CLSPN: variants seen among roughly 807,000 people sequenced by gnomAD.
CLSPN encodes the protein claspin, also known as claspin homolog.
Under a neutral mutation model 156.3 loss-of-function variants are expected in CLSPN, and 85 were observed. That is an observed-to-expected ratio of 0.54 (90% CI 0.46 to 0.65). CLSPN has a LOEUF of 0.65. CLSPN is among the 30% of genes least tolerant of loss of function. CLSPN has a pLI of 0.00. For synonymous variants in CLSPN, 534 were observed against 542.4 expected (o/e 0.98, Z 0.22); for missense variants, 1,407 against 1,554.9 (o/e 0.90, Z 1.60).
Position 35,746,709 on chromosome 1 carries a change from T to G in CLSPN, c.2854+57A>C, listed in dbSNP as rs1008296945. 1.6e-6 allele frequency: 2 copies of G among 1,250,636 alleles called. No individual in the cohort carries two copies. Among genetic ancestry groups the G allele is most frequent in the African/African-American group, 3.0e-5 (2 of 67,712 alleles). 77.5% of individuals were successfully genotyped at this position (1,250,636 alleles called of 1,614,324 possible). ...CACCCCACCCGCCCAGGGAATTCTTTTCAAGGGCACTGATACTTGGGTGTG... is the reference window on the plus strand; with the variant it reads ...CACCCCACCCGCCCAGGGAATTCTTGTCAAGGGCACTGATACTTGGGTGTG... On this transcript the variant is annotated intron_variant, in intron 15 of 24. Transcript: ENST00000318121. This position sits in a 1 kb window ranked among gnomAD's most constrained non-coding sequence, Gnocchi z 4.2.
At chr1:35,739,330 C>A (rs774599348) in intron 19 of CLSPN, 35 bp downstream of exon 19, 2 of 1,613,558 alleles carry the variant, frequency 1.2e-6, no homozygotes, top group Non-Finnish European at 1.7e-6. Context: ...TTAAGATGTA[C>A]CCTATTACTC....
chr1:35,740,562 G>A (rs1000390976), intron 18 of CLSPN, among the ~76,000 whole-genome samples: 1 of 151,960 alleles, frequency 6.6e-6, no homozygotes, highest in African/African-American at 2.4e-5. Context: ...GGGATTACAG[G>A]TGCGTGCCAC....
chr1:35,743,166 G>A lies in CLSPN; in HGVS notation c.3118C>T (p.Arg1040Ter), dbSNP rs1213540555. Reference sequence around the variant, plus strand: ...ATTTGCCTTTTCAACTTCTCAGATCGCTTCAGGAGTTCTTCTTCATCATCA... The same window carrying A: ...ATTTGCCTTTTCAACTTCTCAGATCACTTCAGGAGTTCTTCTTCATCATCA... Reference protein sequence around the residue: ...EDDDEEELLKRSEKLKRQMRL... With the variant: ...EDDDEEELLK The change falls in exon 18 of 25, where the codon CGA (arginine) becomes TGA (stop). Residue 1040 changes from arginine to a stop codon, truncating the protein, a stop_gained. Coordinates refer to ENST00000318121, the MANE Select transcript of CLSPN (RefSeq NM_022111.4). LOFTEE classifies it high-confidence loss of function. The A allele has an allele frequency of 1.2e-6, 2 of 1,613,646 alleles. No homozygotes were observed. The highest frequency in any genetic ancestry group is 1.1e-5 in the South Asian group (1 of 91,064).
chr1:35,764,089 T>A (rs1642582370), intron 3 of CLSPN, among the ~76,000 whole-genome samples, 177 bp downstream of exon 3: 1 of 152,152 alleles, frequency 6.6e-6, no homozygotes, highest in Non-Finnish European at 1.5e-5. Flanking sequence ...TATGCACCAC[T>A]GCACCTGGCC....
rs780524186 is a variant in CLSPN at position 35,764,725 on chromosome 1, C to CA, written c.134-12dup. ...TCTCTTCATCTGAATCTGGAGGAAA[C>CA]AATTTTCTTTTAATTATACCATCAT... On this transcript the variant is annotated splice_polypyrimidine_tract_variant and intron_variant, in intron 2 of 24. Transcript: ENST00000318121. 1 of 1,534,438 alleles carries CA rather than the reference C, an allele frequency of 6.5e-7. No individual in the cohort carries two copies. Among genetic ancestry groups the CA allele is most frequent in the Admixed American group, 2.3e-5 (1 of 43,834 alleles).
intron 10 of CLSPN, 134 bp from the exon 11 acceptor site, chr1:35,749,945 T>C: frequency 9.9e-7 from 1 of 1,014,466 alleles, no homozygotes; most frequent in Non-Finnish European, 1.4e-6. Flanking sequence ...TTGAAGGAAG[T>C]TCCATATGAC....
rs537567353 is a variant in CLSPN, at chr1:35,750,574, G to T, written c.2028+676C>A. On this transcript the variant is annotated intron_variant, in intron 10 of 24. Coordinates refer to ENST00000318121, the MANE Select transcript of CLSPN (RefSeq NM_022111.4). ...CACACAGCTAATTTTTGTATTTTTA[G>T]TAGAGATGGATTTTCACGATGTTGG... 2.2e-4 allele frequency among the ~76,000 whole-genome samples: 34 copies of T among 151,890 alleles called. 1 individual carries two copies. Among genetic ancestry groups the T allele is most frequent in the African/African-American group, 8.2e-4 (34 of 41,446 alleles).
rs761953097 is a variant in CLSPN at position 35,760,486 on chromosome 1, T to G, written c.1435A>C (p.Lys479Gln). 1.2e-6 allele frequency: 2 copies of G among 1,614,224 alleles called. No homozygotes were observed. Among genetic ancestry groups the G allele is most frequent in the Non-Finnish European group, 1.7e-6 (2 of 1,180,038 alleles). The change falls in exon 8 of 25, where the codon AAA becomes CAA. Residue 479 changes from lysine to glutamine, a missense_variant. Coordinates refer to ENST00000318121, the MANE Select transcript of CLSPN (RefSeq NM_022111.4). ...EKVEEPEQQN[K>Q]SSAVGPPEKV... ...TCAGGTGGCCCAACTGCTGATGATT[T>G]ATTTTGCTGCTCAGGCTCTTCCACT...
Position 35,764,722 on chromosome 1 carries a change from A to C in CLSPN, c.134-8T>G. On this transcript the variant is annotated splice_region_variant and splice_polypyrimidine_tract_variant and intron_variant, in intron 2 of 24. Transcript: ENST00000318121. Reference sequence around the variant, plus strand: ...ATATCTCTTCATCTGAATCTGGAGGAAACAATTTTCTTTTAATTATACCAT... The same window carrying C: ...ATATCTCTTCATCTGAATCTGGAGGCAACAATTTTCTTTTAATTATACCAT... 4 of 1,528,426 alleles carry C rather than the reference A, an allele frequency of 2.6e-6. No individual in the cohort carries two copies. The highest frequency in any genetic ancestry group is 3.5e-6 in the Non-Finnish European group (4 of 1,135,066). The allele number at this position is 1,528,426 out of a possible 1,614,324, so 94.7% of individuals were successfully genotyped here.
At position 35,769,961 on chromosome 1, in the gene CLSPN, C is replaced by T. The variant is rs1216712970; in HGVS notation, c.-91G>A. The T allele has an allele frequency of 6.7e-7, 1 of 1,494,250 alleles. No homozygotes were observed. The highest frequency in any genetic ancestry group is 2.4e-5 in the East Asian group (1 of 42,494). 92.6% of individuals were successfully genotyped at this position (1,494,250 alleles called of 1,614,324 possible). ...GCGGCTCCCGCCGTCTCCAGCCCAG[C>T]AGTGCTGTTCTTGCTTTCCCGCCCA... On this transcript the variant is annotated 5_prime_UTR_variant, in exon 1 of 25. Transcript: ENST00000318121.
In CLSPN at chr1:35,751,234, CG is replaced by C. The variant is rs767588833; in HGVS notation, c.2028+15del. The C allele has an allele frequency of 1.3e-6, 2 of 1,594,614 alleles. No individual in the cohort carries two copies. Among genetic ancestry groups the C allele is most frequent in the East Asian group, 4.5e-5 (2 of 44,768 alleles). ...TCACCATGACAAGGTAACAAAACAA[CG>C]TAATTGCCAGAAACCTCCTGATTTC... On this transcript the variant is annotated intron_variant, in intron 10 of 24. Coordinates refer to ENST00000318121, the MANE Select transcript of CLSPN (RefSeq NM_022111.4).
At position 35,734,686 on chromosome 1, in the gene CLSPN, A is replaced by AAG. The variant is rs1013237281; in HGVS notation, c.*1809_*1810insCT. 1.9e-5 allele frequency: 17 copies of AAG among 918,460 alleles called. No homozygotes were observed. Among genetic ancestry groups the AAG allele is most frequent in the Non-Finnish European group, 2.1e-5 (16 of 769,932 alleles). The allele number at this position is 918,460 out of a possible 1,614,324, so 56.9% of individuals were successfully genotyped here. ...GAGCCAGCCTATGTCTCAAAAAAAA[A>AAG]AAAAGAAAAGAAAAGAAAAGAAAAA... On this transcript the variant is annotated 3_prime_UTR_variant, in exon 25 of 25. Coordinates refer to ENST00000318121, the MANE Select transcript of CLSPN (RefSeq NM_022111.4).
At position 35,732,870 on chromosome 1, in the gene CLSPN, T is replaced by A. The variant is rs987683719; in HGVS notation, c.*3626A>T. 1.0e-6 allele frequency: 1 copy of A among 985,344 alleles called. No homozygotes were observed. Among genetic ancestry groups the A allele is most frequent in the African/African-American group, 1.7e-5 (1 of 57,250 alleles). 61.0% of individuals were successfully genotyped at this position (985,344 alleles called of 1,614,324 possible). ...GGCTTAGCTTACTTTATAGCAGCCA[T>A]CCTGGCATAAGGAAAAGTAACCCAG... On this transcript the variant is annotated 3_prime_UTR_variant, in exon 25 of 25. Transcript: ENST00000318121.
chr1:35,741,010 C>T (rs1317209025), intron 18 of CLSPN, among the ~76,000 whole-genome samples: 3 of 152,168 alleles, frequency 2.0e-5, no homozygotes, highest in Non-Finnish European at 2.9e-5. Context: ...GGGATAAAAG[C>T]AACCATATAA....
Position 35,739,206 on chromosome 1 carries a change from C to T in CLSPN, c.3360G>A (p.Arg1120=). 1 of 1,614,160 alleles carries T rather than the reference C, an allele frequency of 6.2e-7. No individual in the cohort carries two copies. The change falls in exon 20 of 25, where the codon AGG becomes AGA. Residue 1120 remains arginine (R), a synonymous_variant. Transcript: ENST00000318121. ...DKRQLRLYQE[R]YLADGDLHSD... The stretch of plus-strand genomic sequence containing the variant: ...TGTGCAGATCCCCATCAGCAAGGTA[C>T]CTCTCTTGGTATAAACGTAGCTGTC...
rs529299397 is a variant in CLSPN at position 35,735,186 on chromosome 1, C to T, written c.*1310G>A. ...AGTCCCAGGAAGGGTCTCTCTGCCC[C>T]ACAGACTGTGGTGGACAAACACTGG... On this transcript the variant is annotated 3_prime_UTR_variant, in exon 25 of 25. Coordinates refer to ENST00000318121, the MANE Select transcript of CLSPN (RefSeq NM_022111.4). 1 of 985,322 alleles carries T rather than the reference C, an allele frequency of 1.0e-6. No individual in the cohort carries two copies. The highest frequency in any genetic ancestry group is 1.2e-6 in the Non-Finnish European group (1 of 829,936). The allele number at this position is 985,322 out of a possible 1,614,324, so 61.0% of individuals were successfully genotyped here. A position where few individuals can be genotyped will look rare whatever the true frequency, so the allele number is the denominator to read the frequency against.
intron 12 of CLSPN, 30 bp downstream of exon 12, chr1:35,749,437 G>A (rs1486063412): frequency 1.9e-6 from 3 of 1,605,222 alleles, no homozygotes; most frequent in African/African-American, 2.7e-5. Flanking sequence ...CAAAAGAAAT[G>A]TTAAGTTCTG....
At chr1:35,722,253 C>CTTTTTT (rs568124252) in intron 24 of CLSPN, among the ~76,000 whole-genome samples, 2 of 124,652 alleles carry the variant, frequency 1.6e-5, no homozygotes, top group African/African-American at 3.1e-5. Flanking sequence ...CTAGTTATTC[C>CTTTTTT]TTTTTTTTTT....
intron 8 of CLSPN, among the ~76,000 whole-genome samples, chr1:35,755,411 C>G (rs904276955): frequency 2.6e-5 from 4 of 151,976 alleles, no homozygotes; most frequent in African/African-American, 7.2e-5. Context: ...GGATTACAGG[C>G]ATGCGTCACC....
Sources: gnomAD v4.1 joint callset for allele counts (sites outside exome capture counted in the v4.1 genomes callset) on GRCh38, gnomAD v4.1.1 for gene constraint, Gnocchi (gnomAD v3.1) non-coding constraint, MANE v1.5 for transcripts, NCBI Gene and HGNC (gene_info 2026-07-23, HGNC 2026-07-21) for gene names.